Variants in SLC3A1 observed in about 807,000 individuals in gnomAD.
The protein encoded by SLC3A1 is solute carrier family 3 member 1.
A neutral mutation model predicts 60.3 loss-of-function variants in SLC3A1; 78 were observed. That is an observed-to-expected ratio of 1.29 (90% confidence interval 1.08 to 1.56). SLC3A1 has a LOEUF of 1.56. Among genes scored for constraint, SLC3A1 ranks in the 40% most tolerant of loss-of-function variants. The pLI is 0.00. For missense variants in SLC3A1, 1,172 were observed against 858.9 expected (o/e 1.36, Z -4.56); for synonymous variants, 392 against 307.9 (o/e 1.27, Z -2.86).
intron 4 of SLC3A1, among the ~76,000 whole-genome samples, chr2:44,291,374 T>A (rs987934245): frequency 6.6e-6 from 1 of 152,178 alleles, no homozygotes; most frequent in African/African-American, 2.4e-5. Context: ...AATACATTAA[T>A]TATTTTTTTG....
At chr2:44,309,246 T>A (rs541720966) in intron 7 of SLC3A1, among the ~76,000 whole-genome samples, 51 of 152,294 alleles carry the variant, frequency 3.3e-4, no homozygotes, top group Admixed American at 2.9e-3. Context: ...ATATCCTCCA[T>A]TCTATTTTCA....
intron 7 of SLC3A1, among the ~76,000 whole-genome samples, chr2:44,306,873 A>C (rs6705951): frequency 0.52 from 79,556 of 151,884 alleles, 23,404 homozygotes; most frequent in Non-Finnish European, 0.67. Context: ...TACCGTTATT[A>C]AAGTATATAA....
At chr2:44,279,826 G>A (rs368425573) in intron 1 of SLC3A1, among the ~76,000 whole-genome samples, 42 of 152,128 alleles carry the variant, frequency 2.8e-4, no homozygotes, top group African/African-American at 8.0e-4. Flanking sequence ...GCCTCCCAAA[G>A]TGCTGGGATT....
rs139794622 is a variant in SLC3A1 at position 44,309,565 on chromosome 2, T to C, written c.1333-3021T>C. ...CCAGATTTCAATTCTTTTGGATCTA[T>C]ACCATGGAGTGGAATTGCTGGATCA... On this transcript the variant is annotated intron_variant, in intron 7 of 9. Coordinates refer to ENST00000260649, the MANE Select transcript of SLC3A1 (RefSeq NM_000341.4). 3.5e-3 allele frequency among the ~76,000 whole-genome samples: 536 copies of C among 152,332 alleles called. 2 individuals are homozygous for C. Among genetic ancestry groups the C allele is most frequent in the Middle Eastern group, 0.017 (5 of 294 alleles).
rs369046191 is a variant in SLC3A1, at chr2:44,289,194, ATTCTTT to A, written c.891+3052_891+3057del. 3.9e-3 allele frequency among the ~76,000 whole-genome samples: 566 copies of A among 146,568 alleles called. 3 individuals are homozygous for A. The highest frequency in any genetic ancestry group is 0.013 in the African/African-American group (528 of 39,702). ...TATTGGGTTGTAAAAGTTCTTACATATTCTTTTTCTTTTTCTTTTTTTCTTTTTTTT... is the reference window on the plus strand; with the variant it reads ...TATTGGGTTGTAAAAGTTCTTACATATTCTTTTTCTTTTTTTCTTTTTTTT... On this transcript the variant is annotated intron_variant, in intron 4 of 9. Transcript: ENST00000260649.
At chr2:44,306,897 C>T (rs776463028) in intron 7 of SLC3A1, among the ~76,000 whole-genome samples, 6 of 151,356 alleles carry the variant, frequency 4.0e-5, no homozygotes, top group Non-Finnish European at 8.9e-5. Flanking sequence ...AGTGGATTTT[C>T]GGTATATTCA....
At chr2:44,297,274 G>A (rs1245030173) in intron 4 of SLC3A1, among the ~76,000 whole-genome samples, 1 of 152,212 alleles carries the variant, frequency 6.6e-6, no homozygotes, top group Non-Finnish European at 1.5e-5. Context: ...AGGTGCCGGA[G>A]CCGGAGCAGG....
At chr2:44,294,332 C>G (rs563247572) in intron 4 of SLC3A1, among the ~76,000 whole-genome samples, 41 of 152,042 alleles carry the variant, frequency 2.7e-4, no homozygotes, top group African/African-American at 9.4e-4. Flanking sequence ...TGGTGAAACT[C>G]CATCTCTACT....
At chr2:44,285,659 C>T (rs1338497134) in intron 3 of SLC3A1, 3 of 484,308 alleles carry the variant, frequency 6.2e-6, no homozygotes, top group African/African-American at 5.9e-5. Context: ...ATGTTTCTTT[C>T]TTCCAAATTG....
chr2:44,314,639 G>C (rs886094748), intron 9 of SLC3A1: 2 of 153,106 alleles, frequency 1.3e-5, no homozygotes, highest in African/African-American at 4.8e-5. Context: ...TGAGTAATCT[G>C]AGGAAACTCC....
chr2:44,291,334 T>A (rs1169313386), intron 4 of SLC3A1, among the ~76,000 whole-genome samples: 1 of 152,136 alleles, frequency 6.6e-6, no homozygotes, highest in Non-Finnish European at 1.5e-5. Context: ...TTTAGACAAG[T>A]GTGATAAATT....
downstream of SLC3A1, among the ~76,000 whole-genome samples, chr2:44,322,378 T>A (rs1673060887): frequency 6.6e-6 from 1 of 152,212 alleles, no homozygotes; most frequent in South Asian, 2.1e-4. Flanking sequence ...AACAAAAATC[T>A]CAGAATCTGT....
chr2:44,288,032 C>CTT (rs1299425136), intron 4 of SLC3A1, among the ~76,000 whole-genome samples: 8 of 143,712 alleles, frequency 5.6e-5, no homozygotes, highest in Admixed American at 7.0e-5. Flanking sequence ...AATTTCTGAA[C>CTT]TTTTTTTTTT....
At chr2:44,303,405 A>C (rs982442382) in intron 6 of SLC3A1, among the ~76,000 whole-genome samples, 2 of 150,864 alleles carry the variant, frequency 1.3e-5, no homozygotes, top group Admixed American at 6.6e-5. Context: ...CACCACACCT[A>C]ATTTTTGTAT....
intron 4 of SLC3A1, among the ~76,000 whole-genome samples, chr2:44,288,882 T>C: frequency 6.6e-6 from 1 of 152,214 alleles, no homozygotes; most frequent in East Asian, 1.9e-4. Context: ...TCACCCAGGC[T>C]GGAGTGCAGT....
chr2:44,314,156 G>A (rs111395633), intron 9 of SLC3A1: 4 of 1,259,544 alleles, frequency 3.2e-6, no homozygotes, highest in African/African-American at 3.0e-5. Flanking sequence ...ACCAAGTGAA[G>A]TGAAGTATCA....
chr2:44,281,159 C>CTT (rs552579658), intron 2 of SLC3A1, among the ~76,000 whole-genome samples: 3,501 of 112,522 alleles, frequency 0.031, 114 homozygotes, highest in Middle Eastern at 0.09. Context: ...CCTTTCCCTG[C>CTT]TTTTTTTTTT....
intron 4 of SLC3A1, among the ~76,000 whole-genome samples, chr2:44,299,027 A>G (rs1180653458): frequency 7.6e-6 from 1 of 132,170 alleles, no homozygotes; most frequent in African/African-American, 2.9e-5. Context: ...AATAATGTAG[A>G]TTCCTTTTTT....
chr2:44,302,450 A>G (rs186772218), intron 6 of SLC3A1, among the ~76,000 whole-genome samples: 2 of 152,194 alleles, frequency 1.3e-5, no homozygotes, highest in Non-Finnish European at 2.9e-5. Context: ...TAAAGTAGGT[A>G]CTCCGATTAC....
Sources: gnomAD v4.1 joint callset for allele counts (sites outside exome capture counted in the v4.1 genomes callset) on GRCh38, gnomAD v4.1.1 for gene constraint, MANE v1.5 for transcripts, NCBI Gene and HGNC (gene_info 2026-07-23, HGNC 2026-07-21) for gene names.